PWWP2A: variants seen among roughly 807,000 people sequenced by gnomAD.
PWWP2A encodes the protein PWWP domain-containing protein 2A.
PWWP2A carries 18 observed loss-of-function variants against 48.5 expected under a neutral mutation model. The ratio of observed to expected loss-of-function variants is 0.37; its 90% CI spans 0.26 to 0.55. The LOEUF (loss-of-function observed/expected upper bound fraction) is 0.55. Ranked by LOEUF, PWWP2A falls within the 20% of genes least tolerant of loss-of-function variation. PWWP2A has a pLI of 0.81. For missense variants in PWWP2A, 867 were observed against 976.4 expected, an observed-to-expected ratio of 0.89 and a Z score of 1.49; for synonymous variants, 396 against 387.7, an observed-to-expected ratio of 1.02 and a Z score of -0.25.
At chr5:160,105,774 CAAAA>C (rs549595565) in intron 1 of PWWP2A, 9 of 65,448 alleles carry the variant, frequency 1.4e-4, no homozygotes, top group Non-Finnish European at 1.9e-4. Flanking sequence ...GACGCCATCT[CAAAA>C]AAAAAAAAAA....
At chr5:160,090,942 A>G (rs1476874388), downstream of PWWP2A, 1 of 985,208 alleles carries the variant, frequency 1.0e-6, no homozygotes, top group African/African-American at 1.7e-5. Flanking sequence ...ATGTAGAAAA[A>G]TAGTAAGCTA....
At chr5:160,081,000 C>T (rs1016465973) in intron 2 of PWWP2A, among the ~76,000 whole-genome samples, 1 of 152,114 alleles carries the variant, frequency 6.6e-6, no homozygotes, top group Non-Finnish European at 1.5e-5. Context: ...GGGCACTCTC[C>T]GGCTCAAGTC....
chr5:160,049,400 A>G, the PWWP2A span: 12 of 1,054,670 alleles, frequency 1.1e-5, no homozygotes, highest in African/African-American at 1.7e-5. Flanking sequence ...TACACTTGGC[A>G]AATGACTCTT....
chr5:160,086,022 T>C (rs1327581095), intron 2 of PWWP2A, among the ~76,000 whole-genome samples: 1 of 151,644 alleles, frequency 6.6e-6, no homozygotes, highest in East Asian at 1.9e-4. Flanking sequence ...TTTCACCATG[T>C]TGGCCACGCT....
chr5:160,105,773 T>TAAA, intron 1 of PWWP2A: 1 of 112,626 alleles, frequency 8.9e-6, no homozygotes, highest in Non-Finnish European at 1.6e-5. Flanking sequence ...AGACGCCATC[T>TAAA]CAAAAAAAAA....
At chr5:160,048,238 G>A in the PWWP2A span, among the ~76,000 whole-genome samples, 2 of 139,046 alleles carry the variant, frequency 1.4e-5, no homozygotes, top group Non-Finnish European at 3.0e-5. Context: ...CGCAACCTCC[G>A]CCTCCTGGGT....
chr5:160,109,350 C>CAAAAAAAA (rs113030645), intron 1 of PWWP2A, among the ~76,000 whole-genome samples: 1 of 135,084 alleles, frequency 7.4e-6, no homozygotes. Context: ...TCCCCTGCTC[C>CAAAAAAAA]AAAAAAAAAA....
chr5:160,110,972 CAAA>C (rs1195225635), intron 1 of PWWP2A, among the ~76,000 whole-genome samples: 2 of 54,138 alleles, frequency 3.7e-5, no homozygotes, highest in Non-Finnish European at 7.8e-5. Context: ...GACTCTGTCT[CAAA>C]AAAAAAAAAA....
downstream of PWWP2A, among the ~76,000 whole-genome samples, chr5:160,074,760 A>C (rs575312409): frequency 3.2e-4 from 48 of 152,092 alleles, no homozygotes; most frequent in Admixed American, 5.9e-4. Flanking sequence ...AAAACAAAAA[A>C]AAAAACAAAA....
chr5:160,117,098 A>G (rs1758215429), intron 1 of PWWP2A, among the ~76,000 whole-genome samples: 1 of 151,908 alleles, frequency 6.6e-6, no homozygotes, highest in South Asian at 2.1e-4. Context: ...AAAAATAAAT[A>G]AATAAATAAA....
rs139113212 is a variant in PWWP2A, at chr5:160,112,468, C to T, written c.584+6337G>A. 2.6e-3 allele frequency among the ~76,000 whole-genome samples: 400 copies of T among 152,158 alleles called. 3 individuals are homozygous for T. Among genetic ancestry groups the T allele is most frequent in the Middle Eastern group, 0.01 (3 of 294 alleles). On this transcript the variant is annotated intron_variant, in intron 1 of 1. Coordinates refer to ENST00000307063, the MANE Select transcript of PWWP2A (RefSeq NM_001130864.2). ...AACTCCTGACCTTACGTGACCCACCCACCTCAGCCTCCCAACTTGCTGAGA... is the reference window on the plus strand; with the variant it reads ...AACTCCTGACCTTACGTGACCCACCTACCTCAGCCTCCCAACTTGCTGAGA...
downstream of PWWP2A, among the ~76,000 whole-genome samples, chr5:160,074,392 C>T (rs1021877906): frequency 9.2e-5 from 14 of 151,712 alleles, no homozygotes; most frequent in Admixed American, 2.6e-4. Flanking sequence ...GAGCCGAGAT[C>T]GCACCACTGC....
chr5:160,061,017 T>A (rs1753370752), downstream of PWWP2A, among the ~76,000 whole-genome samples: 4 of 152,228 alleles, frequency 2.6e-5, no homozygotes, highest in South Asian at 8.3e-4. Context: ...GCCACAGGAT[T>A]ACTAACCCTG....
intron 4 of PWWP2A, among the ~76,000 whole-genome samples, chr5:160,063,966 C>T (rs372828176): frequency 2.8e-5 from 3 of 106,654 alleles, no homozygotes; most frequent in Admixed American, 1.2e-4. Context: ...TAGACCATGA[C>T]TTTTTTTTTT....
chr5:160,050,520 G>GTA, the PWWP2A span, among the ~76,000 whole-genome samples: 1 of 151,286 alleles, frequency 6.6e-6, no homozygotes. Flanking sequence ...CATCTGATAT[G>GTA]TATCCTTTCA....
In PWWP2A at chr5:160,092,766, C is replaced by T. The variant is rs1755212363; in HGVS notation, c.1884G>A (p.Lys628=). The part of the protein sequence containing the change: ...STSSSSKEEK[K]LSNSLKMKVF... Reference sequence around the variant, plus strand: ...CTTTCATTTTCAAGGAATTACTGAGCTTTTTCTCTTCCTTTGAAGAGGAGG... The same window carrying T: ...CTTTCATTTTCAAGGAATTACTGAGTTTTTTCTCTTCCTTTGAAGAGGAGG... The change falls in exon 2 of 2, where the codon AAG becomes AAA. Residue 628 remains lysine, a synonymous_variant. Coordinates refer to ENST00000307063, the MANE Select transcript of PWWP2A (RefSeq NM_001130864.2). 1 of 1,551,454 alleles carries T rather than the reference C, an allele frequency of 6.4e-7. No homozygotes were observed. The highest frequency in any genetic ancestry group is 1.4e-5 in the African/African-American group (1 of 73,008).
downstream of PWWP2A, among the ~76,000 whole-genome samples, chr5:160,074,659 T>C (rs958553632): frequency 5.3e-5 from 8 of 151,102 alleles, no homozygotes; most frequent in African/African-American, 2.0e-4. Context: ...GGCAGGAGAA[T>C]TGCTTGAACC....
chr5:160,109,350 C>CAA (rs113030645), intron 1 of PWWP2A, among the ~76,000 whole-genome samples: 10 of 135,134 alleles, frequency 7.4e-5, no homozygotes, highest in African/African-American at 1.1e-4. Flanking sequence ...TCCCCTGCTC[C>CAA]AAAAAAAAAA....
chr5:160,104,493 T>A (rs1756662482), intron 1 of PWWP2A, among the ~76,000 whole-genome samples: 1 of 151,500 alleles, frequency 6.6e-6, no homozygotes, highest in Admixed American at 6.6e-5. Context: ...TGTAATTAAA[T>A]GTATCTAAAT....
Sources: gnomAD v4.1 joint callset for allele counts (sites outside exome capture counted in the v4.1 genomes callset) on GRCh38, gnomAD v4.1.1 for gene constraint, MANE v1.5 for transcripts, NCBI Gene and HGNC (gene_info 2026-07-23, HGNC 2026-07-21) for gene names.